Variants in MLIP observed in about 807,000 individuals in gnomAD.
MLIP encodes the protein muscular LMNA interacting protein, also known as muscular LMNA-interacting protein.
In MLIP, 79 loss-of-function variants were observed where a neutral mutation model predicts 84.8. The ratio of observed to expected loss-of-function variants is 0.93; its 90% CI spans 0.78 to 1.12. The LOEUF is 1.12. Ranked by LOEUF, MLIP falls within the 50% of genes most tolerant of loss-of-function variation. The probability of loss-of-function intolerance (pLI) is 0.00; values close to 1 mark genes in which losing one functional copy is unlikely to be tolerated. For synonymous variants in MLIP, 504 were observed against 463.0 expected, an observed-to-expected ratio of 1.09 and a Z score of -1.14; for missense variants, 1,257 against 1,160.6, an observed-to-expected ratio of 1.08 and a Z score of -1.21.
At chr6:54,146,099 G>C (rs1772803418) in intron 4 of MLIP, among the ~76,000 whole-genome samples, 1 of 151,958 alleles carries the variant, frequency 6.6e-6, no homozygotes, top group African/African-American at 2.4e-5. Context: ...GTATAAATAA[G>C]CATAAATATA....
chr6:54,112,183 T>C (rs550230390), intron 1 of MLIP, among the ~76,000 whole-genome samples: 78 of 152,346 alleles, frequency 5.1e-4, no homozygotes, highest in Admixed American at 3.8e-3. Context: ...ATGCATCTGT[T>C]GCTGCTTTGT....
rs1370091168 is a variant in MLIP at position 54,230,818 on chromosome 6, T to A, written c.2823T>A (p.Ala941=). The A allele has an allele frequency of 1.9e-6, 3 of 1,613,990 alleles. No homozygotes were observed. The highest frequency in any genetic ancestry group is 2.5e-6 in the Non-Finnish European group (3 of 1,179,998). The change falls in exon 12 of 14, where the codon GCT becomes GCA. Residue 941 remains alanine, a synonymous_variant. Coordinates refer to ENST00000502396, the MANE Select transcript of MLIP (RefSeq NM_001281747.2). ...TGCATCCACAGACCCTCTCACATGC[T>A]GACTGTCTTGCCCCAGGACCCTTCA... ...SLLHPQTLSH[A]DCLAPGPFSH...
chr6:54,071,668 A>T (rs1222828049), intron 1 of MLIP, among the ~76,000 whole-genome samples: 1 of 152,242 alleles, frequency 6.6e-6, no homozygotes, highest in Admixed American at 6.5e-5. Context: ...TTAAGTAAAC[A>T]TATAGATTGT....
intron 1 of MLIP, among the ~76,000 whole-genome samples, chr6:54,027,478 TTC>T (rs1763886636): frequency 1.3e-5 from 2 of 152,112 alleles, no homozygotes. Context: ...CTTTTATTCA[TTC>T]TCTTTCTGTC....
chr6:54,111,352 T>G (rs1769447185), upstream of MLIP: 8 of 1,418,530 alleles, frequency 5.6e-6, no homozygotes, highest in Admixed American at 2.2e-4. Context: ...TCCTCAATTT[T>G]GGAATGACTC....
In MLIP at chr6:54,182,732, G is replaced by C. The variant is rs926572569; in HGVS notation, c.2545-7138G>C. Among the ~76,000 whole-genome samples the C allele has an allele frequency of 3.3e-5, 5 of 152,102 alleles. 1 individual carries two copies. On this transcript the variant is annotated intron_variant, in intron 9 of 13. Coordinates refer to ENST00000502396, the MANE Select transcript of MLIP (RefSeq NM_001281747.2). ...GTTTATCATTTTTTACTAACTACCA[G>C]TATAAATTCATCACATTTATATAAT...
intron 1 of MLIP, among the ~76,000 whole-genome samples, chr6:54,061,072 T>A (rs542605619): frequency 6.6e-6 from 1 of 152,136 alleles, no homozygotes; most frequent in Admixed American, 6.6e-5. Flanking sequence ...GTAAAAAGCT[T>A]ACAAAAACTC....
chr6:54,027,479 T>G (rs1012976625), intron 1 of MLIP, among the ~76,000 whole-genome samples: 1 of 152,134 alleles, frequency 6.6e-6, no homozygotes, highest in African/African-American at 2.4e-5. Flanking sequence ...TTTTATTCAT[T>G]CTCTTTCTGT....
chr6:54,172,426 A>G (rs929273166), intron 9 of MLIP, among the ~76,000 whole-genome samples: 5 of 151,666 alleles, frequency 3.3e-5, no homozygotes, highest in Admixed American at 6.6e-5. Context: ...CGAAGAGTGA[A>G]CACAATGACA....
At chr6:54,038,869 T>C (rs1764591226) in intron 1 of MLIP, among the ~76,000 whole-genome samples, 1 of 151,944 alleles carries the variant, frequency 6.6e-6, no homozygotes, top group African/African-American at 2.4e-5. Context: ...TGTTTTCTAT[T>C]TTATCACATG....
intron 1 of MLIP, among the ~76,000 whole-genome samples, chr6:54,029,612 T>C (rs972378688): frequency 1.3e-5 from 2 of 152,152 alleles, no homozygotes; most frequent in African/African-American, 4.8e-5. Flanking sequence ...AAGATTCAAA[T>C]ACATTTTAAA....
chr6:54,034,650 A>G (rs1014668329), intron 1 of MLIP, among the ~76,000 whole-genome samples: 2 of 152,192 alleles, frequency 1.3e-5, no homozygotes, highest in Non-Finnish European at 2.9e-5. Context: ...TAAGCTAAGT[A>G]TTATTACAAA....
chr6:54,186,214 C>A (rs552891686), intron 9 of MLIP, among the ~76,000 whole-genome samples: 13 of 152,112 alleles, frequency 8.5e-5, no homozygotes, highest in Non-Finnish European at 5.9e-5. Context: ...GAGATTAAAA[C>A]AATAATGATA....
At chr6:54,101,530 G>A (rs1196904310) in intron 1 of MLIP, among the ~76,000 whole-genome samples, 2 of 152,070 alleles carry the variant, frequency 1.3e-5, no homozygotes, top group Non-Finnish European at 2.9e-5. Flanking sequence ...GATTATCCAT[G>A]AATAATAAGT....
At chr6:54,217,864 G>C in intron 11 of MLIP, 1 of 985,338 alleles carries the variant, frequency 1.0e-6, no homozygotes, top group Non-Finnish European at 1.2e-6. Flanking sequence ...AAGCAGGATA[G>C]AGTGATGTTC....
chr6:54,173,745 A>C (rs1219922506), intron 9 of MLIP, among the ~76,000 whole-genome samples: 1 of 151,850 alleles, frequency 6.6e-6, no homozygotes, highest in South Asian at 2.1e-4. Flanking sequence ...ATACTCTTTT[A>C]GTTATTTTAA....
chr6:54,188,184 A>G (rs988603944), intron 9 of MLIP, among the ~76,000 whole-genome samples: 4 of 152,186 alleles, frequency 2.6e-5, no homozygotes, highest in African/African-American at 9.6e-5. Flanking sequence ...TGGGTGAATC[A>G]ATGAGTTAGT....
intron 11 of MLIP, among the ~76,000 whole-genome samples, chr6:54,226,783 C>CT: frequency 6.6e-6 from 1 of 152,078 alleles, no homozygotes; most frequent in East Asian, 1.9e-4. Flanking sequence ...AAAAAGAATA[C>CT]TTGGAAAATA....
intron 1 of MLIP, among the ~76,000 whole-genome samples, chr6:54,033,769 T>C (rs987102544): frequency 2.0e-5 from 3 of 152,166 alleles, no homozygotes; most frequent in African/African-American, 4.8e-5. Flanking sequence ...TTTACCCCAA[T>C]GTGTAATAAA....
Sources: allele counts gnomAD v4.1 joint callset (sites outside exome capture counted in the v4.1 genomes callset), GRCh38; gene constraint gnomAD v4.1.1; transcripts MANE v1.5; gene names NCBI Gene and HGNC (gene_info 2026-07-23, HGNC 2026-07-21).